Variants in PTPN3 observed in about 807,000 individuals in gnomAD.
PTPN3 encodes protein tyrosine phosphatase non-receptor type 3, also known as tyrosine-protein phosphatase non-receptor type 3.
In PTPN3, 96 loss-of-function variants were observed where a neutral mutation model predicts 132.7. The observed-to-expected ratio is 0.72, with a 90% CI of 0.61 to 0.86. PTPN3 has a LOEUF of 0.86. PTPN3 is among the 40% of genes least tolerant of loss of function. The probability of loss-of-function intolerance (pLI) is 0.00; values close to 1 mark genes in which losing one functional copy is unlikely to be tolerated. For synonymous variants in PTPN3, 398 were observed against 429.0 expected (o/e 0.93, Z 0.89); for missense variants, 1,125 against 1,159.6 (o/e 0.97, Z 0.43).
chr9:109,497,584 T>A (rs979894868), intron 1 of PTPN3, among the ~76,000 whole-genome samples: 3 of 152,090 alleles, frequency 2.0e-5, no homozygotes, highest in Admixed American at 2.0e-4. Context: ...TAAGTTTAGG[T>A]AGCTGAAAAT....
chr9:109,500,647 C>T (rs1847851703), upstream of PTPN3, among the ~76,000 whole-genome samples: 1 of 145,904 alleles, frequency 6.9e-6, no homozygotes, highest in African/African-American at 2.5e-5. Flanking sequence ...CCGCAGAAAA[C>T]AGGTCGGGTG....
At chr9:109,490,185 AAAAAACAAAAC>A (rs933400125) in intron 1 of PTPN3, among the ~76,000 whole-genome samples, 45 of 152,184 alleles carry the variant, frequency 3.0e-4, no homozygotes, top group African/African-American at 9.4e-4. Flanking sequence ...TCCATCTCAA[AAAAAACAAAAC>A]AAAAACAAAA....
At chr9:109,517,821 T>G in the PTPN3 span, among the ~76,000 whole-genome samples, 1 of 152,170 alleles carries the variant, frequency 6.6e-6, no homozygotes, top group African/African-American at 2.4e-5. Context: ...CATCTGGGCT[T>G]CTTTGGCCTC....
At chr9:109,380,707 A>C (rs563133448) in intron 25 of PTPN3, among the ~76,000 whole-genome samples, 1 of 152,214 alleles carries the variant, frequency 6.6e-6, no homozygotes, top group Non-Finnish European at 1.5e-5. Flanking sequence ...AAACTAATAT[A>C]AAACTACCAA....
intron 1 of PTPN3, among the ~76,000 whole-genome samples, chr9:109,468,150 G>A (rs1018225341): frequency 2.6e-5 from 4 of 152,126 alleles, no homozygotes; most frequent in African/African-American, 9.7e-5. Flanking sequence ...GGGTTTCTAT[G>A]GCTTCCTTTA....
intron 2 of PTPN3, 86 bp downstream of exon 2, chr9:109,463,211 T>C: frequency 7.7e-7 from 1 of 1,295,932 alleles, no homozygotes; most frequent in South Asian, 1.6e-5. Flanking sequence ...AAATATTTTT[T>C]TCTTCATTTT....
At chr9:109,533,393 G>T in the PTPN3 span, 3 of 829,866 alleles carry the variant, frequency 3.6e-6, no homozygotes, top group Admixed American at 2.2e-5. Flanking sequence ...TGATCCGCCC[G>T]CCTCGGCCTC....
chr9:109,428,480 G>A (rs1038886598), intron 11 of PTPN3, 141 bp downstream of exon 11: 8 of 784,478 alleles, frequency 1.0e-5, no homozygotes, highest in Middle Eastern at 2.4e-4. Context: ...GCAAAGTGGT[G>A]CATGTTTCTA....
At chr9:109,440,468 A>G (rs904817991) in intron 7 of PTPN3, among the ~76,000 whole-genome samples, 12 of 152,284 alleles carry the variant, frequency 7.9e-5, no homozygotes, top group African/African-American at 2.9e-4. Context: ...AGGAAAAGAC[A>G]CCTTTGGGAC....
intron 9 of PTPN3, among the ~76,000 whole-genome samples, chr9:109,435,101 C>G (rs577152224): frequency 6.6e-6 from 1 of 152,116 alleles, no homozygotes; most frequent in Non-Finnish European, 1.5e-5. Flanking sequence ...TGTGACAGAG[C>G]AAATTAGCAA....
At chr9:109,485,206 T>C (rs1373338223) in intron 1 of PTPN3, among the ~76,000 whole-genome samples, 1 of 151,202 alleles carries the variant, frequency 6.6e-6, no homozygotes, top group East Asian at 2.0e-4. Flanking sequence ...AGACTCTGTC[T>C]TAAAAAAAAA....
intron 14 of PTPN3, among the ~76,000 whole-genome samples, chr9:109,416,247 G>A (rs1430343643): frequency 6.6e-6 from 1 of 152,128 alleles, no homozygotes; most frequent in Non-Finnish European, 1.5e-5. Context: ...CAGCGTCAAG[G>A]AGGCTTCCAG....
intron 7 of PTPN3, among the ~76,000 whole-genome samples, chr9:109,439,242 T>C (rs1306870446): frequency 6.6e-6 from 1 of 152,144 alleles, no homozygotes. Context: ...GGACATCCAT[T>C]TCCCTTCTCC....
intron 1 of PTPN3, among the ~76,000 whole-genome samples, chr9:109,489,803 T>C (rs886787837): frequency 6.6e-5 from 10 of 151,956 alleles, no homozygotes; most frequent in African/African-American, 1.9e-4. Context: ...CTCACTATCT[T>C]CTCAGGAAGC....
chr9:109,536,071 A>C, the PTPN3 span, among the ~76,000 whole-genome samples: 2 of 152,134 alleles, frequency 1.3e-5, no homozygotes, highest in African/African-American at 4.8e-5. Context: ...TTCTGTCTCT[A>C]TGGATTTGCC....
intron 1 of PTPN3, among the ~76,000 whole-genome samples, chr9:109,469,122 G>T (rs1846243482): frequency 6.6e-6 from 1 of 152,312 alleles, no homozygotes; most frequent in South Asian, 2.1e-4. Flanking sequence ...TCAGGGTTGG[G>T]TAACAGGGCT....
chr9:109,412,385 T>G (rs1209188158), intron 14 of PTPN3, among the ~76,000 whole-genome samples: 2 of 151,984 alleles, frequency 1.3e-5, no homozygotes, highest in Non-Finnish European at 2.9e-5. Flanking sequence ...TAATTTTTTT[T>G]TTTTTTTGAG....
intron 14 of PTPN3, chr9:109,417,499 A>G (rs1842607242): frequency 1.2e-6 from 1 of 825,062 alleles, no homozygotes; most frequent in African/African-American, 1.9e-5. Context: ...TTTTGTAAAC[A>G]TTTTGCAAAT....
chr9:109,431,208 C>CA (rs1250075455), intron 10 of PTPN3, among the ~76,000 whole-genome samples: 7 of 152,286 alleles, frequency 4.6e-5, no homozygotes, highest in African/African-American at 9.6e-5. Flanking sequence ...CAGGCTCTGC[C>CA]AAAAAGGCTT....
Sources: allele counts gnomAD v4.1 joint callset (sites outside exome capture counted in the v4.1 genomes callset), GRCh38; gene constraint gnomAD v4.1.1; transcripts MANE v1.5; gene names NCBI Gene and HGNC (gene_info 2026-07-23, HGNC 2026-07-21).